The following CYFIP2 variants were observed in gnomAD, a reference collection of about 807,000 sequenced individuals.
CYFIP2 encodes cytoplasmic FMR1 interacting protein 2, also known as cytoplasmic FMR1-interacting protein 2.
Under a neutral mutation model 158.7 loss-of-function variants are expected in CYFIP2, and 29 were observed. The observed-to-expected ratio is 0.18, with a 90% confidence interval of 0.14 to 0.25. The LOEUF (loss-of-function observed/expected upper bound fraction) is 0.25. CYFIP2 is among the 10% of genes least tolerant of loss of function. CYFIP2 has a pLI of 1.00. For synonymous variants in CYFIP2, 585 were observed against 617.6 expected, an observed-to-expected ratio of 0.95 and a Z score of 0.78; for missense variants, 852 against 1,639.5, an observed-to-expected ratio of 0.52 and a Z score of 8.29.
chr5:157,287,361 C>G (rs572240200), intron 3 of CYFIP2, among the ~76,000 whole-genome samples: 10 of 152,326 alleles, frequency 6.6e-5, no homozygotes, highest in Non-Finnish European at 1.3e-4. Flanking sequence ...CTCCACTACT[C>G]ACTTTCTTGA....
intron 1 of CYFIP2, among the ~76,000 whole-genome samples, chr5:157,280,873 C>A (rs1266503338): frequency 2.0e-5 from 3 of 152,036 alleles, no homozygotes; most frequent in Non-Finnish European, 4.4e-5. Context: ...AACCTAAATA[C>A]AATATTTCCT....
intron 25 of CYFIP2, among the ~76,000 whole-genome samples, chr5:157,360,782 CTT>C (rs1338826715): frequency 1.3e-5 from 2 of 152,196 alleles, no homozygotes; most frequent in African/African-American, 4.8e-5. Flanking sequence ...AAATGGACAT[CTT>C]TGCTGTTTGA....
At chr5:157,267,455 C>T (rs551452404) in intron 1 of CYFIP2, among the ~76,000 whole-genome samples, 83 of 152,228 alleles carry the variant, frequency 5.5e-4, no homozygotes, top group African/African-American at 1.9e-3. Context: ...AAATCAGGTC[C>T]ATATCTTTGG....
At position 157,320,639 on chromosome 5, in the gene CYFIP2, G is replaced by T. The variant is rs1760521278; in HGVS notation, c.1524-16G>T. On this transcript the variant is annotated splice_polypyrimidine_tract_variant and intron_variant, in intron 14 of 30. Transcript: ENST00000620254. ...ATGGTGAAACCTGGTCTAAGTCTTA[G>T]TTCTTCCTTCCCCAGCGTCCTACAG... is the stretch of plus-strand genomic sequence containing the variant. The T allele has an allele frequency of 6.2e-7, 1 of 1,613,802 alleles. No homozygotes were observed. Among genetic ancestry groups the T allele is most frequent in the Non-Finnish European group, 8.5e-7 (1 of 1,179,802 alleles).
intron 26 of CYFIP2, among the ~76,000 whole-genome samples, chr5:157,381,561 A>C (rs1044547553): frequency 3.0e-4 from 44 of 145,150 alleles, no homozygotes; most frequent in African/African-American, 9.8e-4. Flanking sequence ...GTGAGGGGGA[A>C]GTTTCCCCTC....
intron 15 of CYFIP2, among the ~76,000 whole-genome samples, chr5:157,321,806 C>T (rs1198170266): frequency 6.6e-6 from 1 of 152,200 alleles, no homozygotes; most frequent in Non-Finnish European, 1.5e-5. Flanking sequence ...CTTCACAGCC[C>T]TCTGCTAGTT....
Position 157,311,205 on chromosome 5 carries a change from C to A in CYFIP2, c.993-459C>A. 2.4e-6 allele frequency: 1 copy of A among 413,618 alleles called. No homozygotes were observed. The highest frequency in any genetic ancestry group is 1.7e-5 in the South Asian group (1 of 58,098). 25.6% of individuals were successfully genotyped at this position (413,618 alleles called of 1,614,324 possible). A position where few individuals can be genotyped will look rare whatever the true frequency, so the allele number is the denominator to read the frequency against. On this transcript the variant is annotated intron_variant, in intron 10 of 30. Coordinates refer to ENST00000620254, the MANE Select transcript of CYFIP2 (RefSeq NM_001037333.3). The surrounding 1 kb of genome is among the most constrained non-coding windows in gnomAD (Gnocchi z 4.7). Reference sequence around the variant, plus strand: ...TGCCAGGGCACTGTTGGAAAAGAGGCACAGTCACATTCATATTTCCGCAAT... The same window carrying A: ...TGCCAGGGCACTGTTGGAAAAGAGGAACAGTCACATTCATATTTCCGCAAT...
chr5:157,328,698 A>C (rs1392063467), intron 19 of CYFIP2, among the ~76,000 whole-genome samples: 3 of 152,266 alleles, frequency 2.0e-5, no homozygotes, highest in Non-Finnish European at 4.4e-5. Context: ...TGGTTTCAAA[A>C]GTACAACCGT....
intron 8 of CYFIP2, among the ~76,000 whole-genome samples, chr5:157,305,968 A>G (rs190379252): frequency 6.6e-6 from 1 of 152,322 alleles, no homozygotes; most frequent in African/African-American, 2.4e-5. Flanking sequence ...TGTGATTTCC[A>G]TAAGCCTTCC....
intron 26 of CYFIP2, among the ~76,000 whole-genome samples, chr5:157,367,893 T>TAC (rs936430502): frequency 2.6e-5 from 4 of 152,042 alleles, no homozygotes; most frequent in African/African-American, 9.7e-5. Flanking sequence ...TAGCTGGGAT[T>TAC]ACAGGCATGC....
chr5:157,327,678 T>C (rs1348782792), intron 18 of CYFIP2, among the ~76,000 whole-genome samples: 1 of 152,186 alleles, frequency 6.6e-6, no homozygotes, highest in Non-Finnish European at 1.5e-5. Context: ...TGATGGGTTC[T>C]GACAGTCTGT....
In CYFIP2 at chr5:157,315,927, A is replaced by T. The variant is rs144679346; in HGVS notation, c.1356+833A>T. The stretch of plus-strand genomic sequence containing the variant: ...ATGGTGAAACCCCATCTCTACTAAA[A>T]ATACAAAAACAATTTAGCCAGGCAT... On this transcript the variant is annotated intron_variant, in intron 13 of 30. Transcript: ENST00000620254. Among the ~76,000 whole-genome samples the T allele has an allele frequency of 4.3e-3, 651 of 152,268 alleles. 5 individuals carry two copies. Among genetic ancestry groups the T allele is most frequent in the African/African-American group, 0.015 (614 of 41,548 alleles).
rs576123607 is a variant in CYFIP2, at chr5:157,390,989, G to A, written c.3594+321G>A. On this transcript the variant is annotated intron_variant, in intron 30 of 30. Transcript: ENST00000620254. Reference sequence around the variant, plus strand: ...TATTCACCAAATACCAGAGTTGTACGGGGCACCTGGATGGGATAGGTACTG... The same window carrying A: ...TATTCACCAAATACCAGAGTTGTACAGGGCACCTGGATGGGATAGGTACTG... 2.6e-5 allele frequency among the ~76,000 whole-genome samples: 4 copies of A among 152,224 alleles called. No homozygotes were observed. In the South Asian group the frequency reaches 6.2e-4, roughly 24 times the overall value.
At chr5:157,333,563 TCCC>T in intron 21 of CYFIP2, 117 bp downstream of exon 21, 1 of 1,420,058 alleles carries the variant, frequency 7.0e-7, no homozygotes, top group Non-Finnish European at 9.7e-7. Flanking sequence ...TGAGTCTCTT[TCCC>T]ATCTGAATGG....
intron 26 of CYFIP2, among the ~76,000 whole-genome samples, chr5:157,381,944 A>G (rs1192825004): frequency 6.6e-6 from 1 of 151,004 alleles, no homozygotes; most frequent in Non-Finnish European, 1.5e-5. Flanking sequence ...GATTGTGAGC[A>G]TGTCCCAGGA....
At chr5:157,299,485 C>T (rs1758558379) in intron 5 of CYFIP2, among the ~76,000 whole-genome samples, 1 of 152,238 alleles carries the variant, frequency 6.6e-6, no homozygotes, top group African/African-American at 2.4e-5. Flanking sequence ...CTCTGATCTT[C>T]CTCCTTAGAA....
chr5:157,311,571 G>T lies in CYFIP2; in HGVS notation c.993-93G>T, dbSNP rs1480225273. On this transcript the variant is annotated intron_variant, in intron 10 of 30. Transcript: ENST00000620254. The surrounding 1 kb of genome is among the most constrained non-coding windows in gnomAD (Gnocchi z 4.7). ...CATTTGGTGTCACCCAGGGGAGTTG[G>T]CCACGTGGGCTGAGCACCAGGAGCA... is the stretch of plus-strand genomic sequence containing the variant. 3 of 1,150,060 alleles carry T rather than the reference G, an allele frequency of 2.6e-6. No homozygotes were observed. The highest frequency in any genetic ancestry group is 3.7e-6 in the Non-Finnish European group (3 of 804,988). The allele number at this position is 1,150,060 out of a possible 1,614,324, so 71.2% of individuals were successfully genotyped here.
intron 23 of CYFIP2, chr5:157,342,852 CTCCCCACTCTCAT>C: frequency 6.2e-7 from 1 of 1,603,586 alleles, no homozygotes; most frequent in East Asian, 2.2e-5. Flanking sequence ...GGGCGCTCTC[CTCCCCACTCTCAT>C]TCCCCACAAT....
intron 1 of CYFIP2, 82 bp from the exon 2 acceptor site, chr5:157,285,257 A>G: frequency 1.1e-6 from 1 of 911,482 alleles, no homozygotes; most frequent in Non-Finnish European, 1.7e-6. Context: ...TATTCTCCCA[A>G]AGGATGCTGG....
Sources: gnomAD v4.1 joint callset for allele counts (sites outside exome capture counted in the v4.1 genomes callset) on GRCh38, gnomAD v4.1.1 for gene constraint, Gnocchi (gnomAD v3.1) non-coding constraint, MANE v1.5 for transcripts, NCBI Gene and HGNC (gene_info 2026-07-23, HGNC 2026-07-21) for gene names.